The following PLA2G4A variants were observed in gnomAD, a reference collection of about 807,000 sequenced individuals.
The protein encoded by PLA2G4A is cytosolic phospholipase A2.
Under a neutral mutation model 81.9 loss-of-function variants are expected in PLA2G4A, and 40 were observed. The ratio of observed to expected loss-of-function variants is 0.49; its 90% confidence interval spans 0.38 to 0.64. PLA2G4A has a LOEUF of 0.64. Among genes scored for constraint, PLA2G4A ranks in the 30% least tolerant of loss-of-function variants. The pLI, the probability that PLA2G4A is intolerant of heterozygous loss-of-function variation, is 0.00. For missense variants in PLA2G4A, 715 were observed against 905.1 expected (o/e 0.79, Z 2.69); for synonymous variants, 302 against 296.9 (o/e 1.02, Z -0.18).
In PLA2G4A at chr1:186,932,916, A is replaced by G. The variant is rs531555888; in HGVS notation, c.695+17A>G. 32 of 1,583,560 alleles carry G rather than the reference A, an allele frequency of 2.0e-5. 1 individual carries two copies. In the South Asian group the frequency reaches 3.4e-4, roughly 17 times the overall value. Reference sequence around the variant, plus strand: ...CTCCACCTGGTTAGTATACATTTTTAATTTTAGTTTTATAACTTTAAATAT... The same window carrying G: ...CTCCACCTGGTTAGTATACATTTTTGATTTTAGTTTTATAACTTTAAATAT... On this transcript the variant is annotated intron_variant, in intron 8 of 17. Transcript: ENST00000367466.
chr1:186,856,130 G>T (rs1376334714), intron 2 of PLA2G4A, among the ~76,000 whole-genome samples: 2 of 151,806 alleles, frequency 1.3e-5, no homozygotes, highest in Non-Finnish European at 2.9e-5. Flanking sequence ...TGGGATTTTG[G>T]TTGGGACTGT....
intron 7 of PLA2G4A, among the ~76,000 whole-genome samples, chr1:186,924,959 G>A (rs1444133769): frequency 6.6e-6 from 1 of 151,796 alleles, no homozygotes; most frequent in Non-Finnish European, 1.5e-5. Context: ...GAGGCAGGAG[G>A]ATCACTTGAA....
At chr1:186,916,542 T>C (rs1655143103) in intron 7 of PLA2G4A, among the ~76,000 whole-genome samples, 1 of 152,164 alleles carries the variant, frequency 6.6e-6, no homozygotes, top group Admixed American at 6.5e-5. Flanking sequence ...AATTTCAAGA[T>C]TATGCGTTTG....
intron 7 of PLA2G4A, among the ~76,000 whole-genome samples, chr1:186,924,589 T>C (rs1338487052): frequency 6.6e-6 from 1 of 152,108 alleles, no homozygotes. Flanking sequence ...CTTTCTTTTT[T>C]TGAGACAGGG....
At chr1:186,911,856 C>T (rs562766712) in intron 7 of PLA2G4A, among the ~76,000 whole-genome samples, 2 of 152,094 alleles carry the variant, frequency 1.3e-5, no homozygotes, top group South Asian at 2.1e-4. Flanking sequence ...CAGGAAAGCC[C>T]GTGGTGCAAT....
rs187157211 is a variant in PLA2G4A at position 186,874,187 on chromosome 1, C to T, written c.115+3671C>T. ...GTTAAACTCTATACTCTACATTGTC[C>T]CTTTCCTCTTTTAACAGAAGATATG... On this transcript the variant is annotated intron_variant, in intron 3 of 17. Transcript: ENST00000367466. Among the ~76,000 whole-genome samples the T allele has an allele frequency of 1.8e-3, 268 of 152,106 alleles. No individual in the cohort carries two copies. The Middle Eastern group carries it at 0.031, about 17-fold the overall frequency.
chr1:186,902,151 AATGGTAAGTATTTGCAT>A (rs1390116941), intron 5 of PLA2G4A, among the ~76,000 whole-genome samples: 2 of 152,204 alleles, frequency 1.3e-5, no homozygotes, highest in Non-Finnish European at 2.9e-5. Flanking sequence ...TTTGCAGCAC[AATGGTAAGTATTTGCAT>A]ATCTAAACAA....
At chr1:186,851,601 G>A (rs564882549) in intron 1 of PLA2G4A, among the ~76,000 whole-genome samples, 24 of 151,922 alleles carry the variant, frequency 1.6e-4, no homozygotes, top group Non-Finnish European at 3.2e-4. Context: ...CTTTAAAAAT[G>A]TTGTAATAGA....
chr1:186,967,940 A>G (rs987413598), intron 15 of PLA2G4A, among the ~76,000 whole-genome samples: 3 of 152,108 alleles, frequency 2.0e-5, no homozygotes, highest in African/African-American at 7.2e-5. Context: ...AATGGAAGGC[A>G]AGGAATTAAC....
chr1:186,836,168 CTATT>C (rs1461178318), intron 1 of PLA2G4A, among the ~76,000 whole-genome samples: 2 of 151,294 alleles, frequency 1.3e-5, no homozygotes, highest in African/African-American at 4.9e-5. Flanking sequence ...TATTAATAAG[CTATT>C]TATATGAATT....
intron 15 of PLA2G4A, among the ~76,000 whole-genome samples, chr1:186,972,843 T>C (rs909211722): frequency 1.3e-5 from 2 of 152,256 alleles, no homozygotes; most frequent in Middle Eastern, 3.4e-3. Flanking sequence ...TCATTTAGGG[T>C]CAGAATTCCA....
intron 3 of PLA2G4A, among the ~76,000 whole-genome samples, chr1:186,878,726 A>AT (rs1488630118): frequency 6.6e-6 from 1 of 151,826 alleles, no homozygotes; most frequent in South Asian, 2.1e-4. Context: ...ACTTTATTAG[A>AT]TTTTTTTGTT....
At chr1:186,891,301 A>G (rs1654129324) in intron 3 of PLA2G4A, among the ~76,000 whole-genome samples, 1 of 152,150 alleles carries the variant, frequency 6.6e-6, no homozygotes, top group Non-Finnish European at 1.5e-5. Flanking sequence ...TTTGTTGCAA[A>G]TAATCCAATT....
At chr1:186,958,497 T>C (rs533069934) in intron 14 of PLA2G4A, among the ~76,000 whole-genome samples, 2 of 152,204 alleles carry the variant, frequency 1.3e-5, no homozygotes, top group Admixed American at 1.3e-4. Flanking sequence ...TGTCGATATA[T>C]AGAGAATCTT....
At chr1:186,980,747 A>G (rs1259696800) in intron 17 of PLA2G4A, among the ~76,000 whole-genome samples, 2 of 143,360 alleles carry the variant, frequency 1.4e-5, no homozygotes, top group East Asian at 2.2e-4. Flanking sequence ...CAGTTGCACC[A>G]TAATATATTT....
intron 2 of PLA2G4A, among the ~76,000 whole-genome samples, chr1:186,863,846 C>T (rs1313187042): frequency 6.6e-6 from 1 of 151,678 alleles, no homozygotes; most frequent in Non-Finnish European, 1.5e-5. Context: ...CTGTAACCTC[C>T]GCCTCCCGGG....
chr1:186,871,742 G>A (rs547919854), intron 3 of PLA2G4A, among the ~76,000 whole-genome samples: 1 of 152,250 alleles, frequency 6.6e-6, no homozygotes, highest in East Asian at 1.9e-4. Context: ...TTTCATTAAT[G>A]CAATGGAAAG....
chr1:186,950,628 G>T, intron 12 of PLA2G4A, 29 bp from the exon 13 acceptor site: 1 of 1,260,324 alleles, frequency 7.9e-7, no homozygotes, highest in Non-Finnish European at 1.2e-6. Flanking sequence ...CACCTGAAAT[G>T]CTTCAATTTT....
chr1:186,919,948 C>T (rs776911964), intron 7 of PLA2G4A, among the ~76,000 whole-genome samples: 3 of 152,114 alleles, frequency 2.0e-5, no homozygotes, highest in African/African-American at 7.2e-5. Context: ...CAAGCACCTG[C>T]GATGAACCTG....
Sources: gnomAD v4.1 joint callset for allele counts (sites outside exome capture counted in the v4.1 genomes callset) on GRCh38, gnomAD v4.1.1 for gene constraint, MANE v1.5 for transcripts, NCBI Gene and HGNC (gene_info 2026-07-23, HGNC 2026-07-21) for gene names.